ERBB2: variants seen among roughly 807,000 people sequenced by gnomAD.
ERBB2 encodes the protein receptor tyrosine-protein kinase erbB-2.
In ERBB2, 61 loss-of-function variants were observed where a neutral mutation model predicts 149.0. That is an observed-to-expected ratio of 0.41 (90% CI 0.33 to 0.51). The LOEUF is 0.51. ERBB2 is among the 20% of genes least tolerant of loss of function. The pLI, the probability that ERBB2 is intolerant of heterozygous loss-of-function variation, is 0.25. For synonymous variants in ERBB2, 633 were observed against 678.8 expected, an observed-to-expected ratio of 0.93 and a Z score of 1.05; for missense variants, 1,205 against 1,655.1, an observed-to-expected ratio of 0.73 and a Z score of 4.72.
chr17:39,727,772 A>G lies in ERBB2; in HGVS notation c.3496A>G (p.Thr1166Ala), dbSNP rs866086063. 5.6e-6 allele frequency: 9 copies of G among 1,608,598 alleles called. No individual in the cohort carries two copies. In the African/African-American group the frequency reaches 6.7e-5, roughly 12 times the overall value. The change falls in exon 27 of 27, where the codon ACT becomes GCT. Residue 1166 changes from threonine (T) to alanine (A), a missense_variant. Thr to Ala is a moderately conservative substitution (Grantham distance 58). Coordinates refer to ENST00000269571, the MANE Select transcript of ERBB2 (RefSeq NM_004448.4). The surrounding 1 kb of genome is among the most constrained non-coding windows in gnomAD (Gnocchi z 4.3). ...PLPAARPAGATLERPKTLSPG... is the reference protein window; with the variant it reads ...PLPAARPAGAALERPKTLSPG... ...GCCTGCTGCCCGACCTGCTGGTGCC[A>G]CTCTGGAAAGGCCCAAGACTCTCTC... is the stretch of plus-strand genomic sequence containing the variant.
chr17:39,709,930 G>A (rs1159732316), intron 5 of ERBB2, 49 bp downstream of exon 5: 1 of 1,581,912 alleles, frequency 6.3e-7, no homozygotes, highest in East Asian at 2.2e-5. Flanking sequence ...GCTGGGGCCG[G>A]GTGGAATGCA....
chr17:39,719,549 C>T (rs922786483), intron 15 of ERBB2, among the ~76,000 whole-genome samples: 1 of 152,208 alleles, frequency 6.6e-6, no homozygotes, highest in African/African-American at 2.4e-5. Context: ...TGCCCCTCCC[C>T]GCTTCCTATC....
intron 19 of ERBB2, among the ~76,000 whole-genome samples, 162 bp downstream of exon 19, chr17:39,724,172 G>A (rs2059603851): frequency 6.6e-6 from 1 of 151,882 alleles, no homozygotes; most frequent in African/African-American, 2.4e-5. Context: ...AGGCTGGAGT[G>A]CAGTGGCGTT....
upstream of ERBB2, among the ~76,000 whole-genome samples, chr17:39,690,258 T>A (rs115635991): frequency 2.4e-3 from 367 of 152,170 alleles, no homozygotes; most frequent in African/African-American, 7.6e-3. Flanking sequence ...CTAATTTTTT[T>A]AATTTTTTGT....
At position 39,727,788 on chromosome 17, in the gene ERBB2, A is replaced by G. The variant is rs2059862141; in HGVS notation, c.3512A>G (p.Lys1171Arg). 2 of 1,613,060 alleles carry G rather than the reference A, an allele frequency of 1.2e-6. No homozygotes were observed. Among genetic ancestry groups the G allele is most frequent in the African/African-American group, 1.3e-5 (1 of 74,914 alleles). ...GCTGGTGCCACTCTGGAAAGGCCCA[A>G]GACTCTCTCCCCAGGGAAGAATGGG... Reference protein sequence around the residue: ...RPAGATLERPKTLSPGKNGVV... With the variant: ...RPAGATLERPRTLSPGKNGVV... Residue 1171 changes from lysine (K) to arginine (R), a missense_variant, in exon 27 of 27, where the codon AAG becomes AGG. Transcript: ENST00000269571. This position sits in a 1 kb window ranked among gnomAD's most constrained non-coding sequence, Gnocchi z 4.3.
chr17:39,709,767 G>A (rs777711090), intron 4 of ERBB2, 46 bp from the exon 5 acceptor site: 8 of 1,553,768 alleles, frequency 5.1e-6, no homozygotes, highest in South Asian at 2.2e-5. Flanking sequence ...CCGTCCTCTC[G>A]CTGTTAGACA....
chr17:39,706,557 C>T (rs2058449557), intron 1 of ERBB2, among the ~76,000 whole-genome samples: 3 of 152,136 alleles, frequency 2.0e-5, no homozygotes, highest in African/African-American at 4.8e-5. Context: ...AGGGAGAATG[C>T]ACCGAGTTTG....
At chr17:39,696,606 C>T (rs1470785948), upstream of ERBB2, 3 of 152,216 alleles carry the variant, frequency 2.0e-5, no homozygotes, top group African/African-American at 7.2e-5. Context: ...CCCAGCTCAG[C>T]TCTGTGACCT....
Position 39,710,275 on chromosome 17 carries a change from GC to G in ERBB2, c.760-62del. Reference sequence around the variant, plus strand: ...AGGGGTGGGCACCCTGCCTGGTACTGCCCTATTGCCCCTGGCACACCAGGGC... The same window carrying G: ...AGGGGTGGGCACCCTGCCTGGTACTGCCTATTGCCCCTGGCACACCAGGGC... On this transcript the variant is annotated intron_variant, in intron 6 of 26. Coordinates refer to ENST00000269571, the MANE Select transcript of ERBB2 (RefSeq NM_004448.4). 1.9e-6 allele frequency: 3 copies of G among 1,612,028 alleles called. No homozygotes were observed. The South Asian group carries it at 3.3e-5, about 18-fold the overall frequency.
chr17:39,719,209 C>T (rs1362142782), intron 15 of ERBB2, among the ~76,000 whole-genome samples: 4 of 151,286 alleles, frequency 2.6e-5, no homozygotes, highest in Admixed American at 6.6e-5. Context: ...TGCAGTGAGA[C>T]GAGATTGCAC....
upstream of ERBB2, chr17:39,700,037 T>A: frequency 6.3e-6 from 8 of 1,266,634 alleles, no homozygotes; most frequent in Non-Finnish European, 7.9e-6. Context: ...TGAGGAAGTA[T>A]AAGAATGAAG....
At chr17:39,694,331 A>ATG (rs1567888457), upstream of ERBB2, among the ~76,000 whole-genome samples, 58 of 137,860 alleles carry the variant, frequency 4.2e-4, no homozygotes, top group Admixed American at 1.1e-3. Context: ...ACACATATAT[A>ATG]TGTGTATATA....
chr17:39,707,372 G>T (rs1038304025), intron 2 of ERBB2: 27 of 416,268 alleles, frequency 6.5e-5, no homozygotes, highest in Non-Finnish European at 1.2e-4. Flanking sequence ...ATGCGTCTGT[G>T]TTTCCGCTAA....
At chr17:39,704,655 C>G (rs2058316448) in intron 1 of ERBB2, among the ~76,000 whole-genome samples, 1 of 152,044 alleles carries the variant, frequency 6.6e-6, no homozygotes, top group Non-Finnish European at 1.5e-5. Context: ...TCAGGAAGAC[C>G]TTCTTGACTT....
At position 39,726,861 on chromosome 17, in the gene ERBB2, G is replaced by A. The variant is rs749454186; in HGVS notation, c.3017G>A (p.Arg1006His). 1.2e-5 allele frequency: 19 copies of A among 1,613,510 alleles called. No homozygotes were observed. Among genetic ancestry groups the A allele is most frequent in the Middle Eastern group, 1.6e-4 (1 of 6,080 alleles). Reference protein sequence around the residue: ...PASPLDSTFYRSLLEDDDMGD... With the variant: ...PASPLDSTFYHSLLEDDDMGD... ...AGTCCCTTGGACAGCACCTTCTACC[G>A]CTCACTGCTGGAGGACGATGACATG... The change falls in exon 25 of 27, where the codon CGC becomes CAC. Residue 1006 changes from arginine to histidine, a missense_variant. Arg to His is a conservative substitution (Grantham distance 29). Coordinates refer to ENST00000269571, the MANE Select transcript of ERBB2 (RefSeq NM_004448.4). This position sits in a 1 kb window ranked among gnomAD's most constrained non-coding sequence, Gnocchi z 5.1.
At chr17:39,706,492 C>T (rs948244359) in intron 1 of ERBB2, among the ~76,000 whole-genome samples, 7 of 152,104 alleles carry the variant, frequency 4.6e-5, no homozygotes, top group South Asian at 2.1e-4. Context: ...GGTGGCATTA[C>T]GGGGGTGTGG....
intron 1 of ERBB2, among the ~76,000 whole-genome samples, chr17:39,704,830 C>T (rs1407675142): frequency 6.6e-6 from 1 of 152,160 alleles, no homozygotes; most frequent in African/African-American, 2.4e-5. Flanking sequence ...GGGGCTACCA[C>T]CCGTTCTGAC....
intron 1 of ERBB2, among the ~76,000 whole-genome samples, chr17:39,701,506 C>T (rs773782021): frequency 1.3e-5 from 2 of 152,112 alleles, no homozygotes; most frequent in Non-Finnish European, 2.9e-5. Context: ...TGAAAGTGTT[C>T]TGGGAGTCGT....
At chr17:39,699,539 A>C, upstream of ERBB2, 1 of 1,535,044 alleles carries the variant, frequency 6.5e-7, no homozygotes, top group Non-Finnish European at 8.7e-7. Context: ...CTTTTCAGAT[A>C]CTTCAAAGAT....
Sources: gnomAD v4.1 joint callset for allele counts (sites outside exome capture counted in the v4.1 genomes callset) on GRCh38, gnomAD v4.1.1 for gene constraint, Gnocchi (gnomAD v3.1) non-coding constraint, MANE v1.5 for transcripts, NCBI Gene and HGNC (gene_info 2026-07-23, HGNC 2026-07-21) for gene names.